SUCLG1: variants seen among roughly 807,000 people sequenced by gnomAD.
The protein encoded by SUCLG1 is succinate--CoA ligase [ADP/GDP-forming] subunit alpha, mitochondrial.
A neutral mutation model predicts 37.3 loss-of-function variants in SUCLG1; 26 were observed. The observed-to-expected ratio is 0.70, with a 90% CI of 0.51 to 0.97. The LOEUF (loss-of-function observed/expected upper bound fraction) is 0.97, where lower values mean the gene tolerates loss of function less well. Ranked by LOEUF, SUCLG1 falls within the 50% of genes least tolerant of loss-of-function variation. SUCLG1 has a pLI of 0.00. For synonymous variants in SUCLG1, 163 were observed against 155.6 expected (o/e 1.05, Z -0.36); for missense variants, 433 against 432.9 (o/e 1.00, Z 0.00).
intron 1 of SUCLG1, among the ~76,000 whole-genome samples, chr2:84,450,759 T>TAAATCACTGCCTC (rs1558614600): frequency 6.6e-6 from 1 of 152,184 alleles, no homozygotes; most frequent in Non-Finnish European, 1.5e-5. Context: ...CTTTCTGCCT[T>TAAATCACTGCCTC]AAATCACTGC....
At chr2:84,448,993 G>A (rs1389288981) in intron 2 of SUCLG1, 2 of 372,540 alleles carry the variant, frequency 5.4e-6, no homozygotes, top group African/African-American at 2.2e-5. Context: ...TTCTTATGTG[G>A]CATTTTATTA....
At chr2:84,434,012 C>G (rs1672647524) in intron 5 of SUCLG1, among the ~76,000 whole-genome samples, 1 of 152,058 alleles carries the variant, frequency 6.6e-6, no homozygotes, top group Non-Finnish European at 1.5e-5. Flanking sequence ...ATCCTGGCCT[C>G]TCTCATTCCC....
At chr2:84,449,159 T>C (rs780302266) in intron 2 of SUCLG1, among the ~76,000 whole-genome samples, 1 of 152,156 alleles carries the variant, frequency 6.6e-6, no homozygotes, top group Non-Finnish European at 1.5e-5. Context: ...CCAGAGAAAG[T>C]ATAAGATGAA....
At position 84,433,446 on chromosome 2, in the gene SUCLG1, G is replaced by C. The variant is rs1483721041; in HGVS notation, c.590-11C>G. 2 of 1,611,586 alleles carry C rather than the reference G, an allele frequency of 1.2e-6. No homozygotes were observed. Among genetic ancestry groups the C allele is most frequent in the Non-Finnish European group, 1.7e-6 (2 of 1,178,078 alleles). ...ATCTGGACACAATGCCTTAACGAAA[G>C]AGAATTCAAAAATATTAGATTGTGT... On this transcript the variant is annotated splice_polypyrimidine_tract_variant and intron_variant, in intron 5 of 8. Coordinates refer to ENST00000393868, the MANE Select transcript of SUCLG1 (RefSeq NM_003849.4).
Position 84,443,388 on chromosome 2 carries a change from T to C in SUCLG1, c.214A>G (p.Ser72Gly). The change falls in exon 3 of 9, where the codon AGC becomes GGC. Residue 72 changes from serine (S) to glycine (G), a missense_variant. Physicochemically the swap from Ser to Gly is moderately conservative, Grantham distance 56 (BLOSUM62 0). Coordinates refer to ENST00000393868, the MANE Select transcript of SUCLG1 (RefSeq NM_003849.4). ...GFTGKQGTFH[S>G]QQALEYGTKL... ...GTGCCATATTCCAATGCCTGCTGGCTGTGAAAGGTGCCCTGAGGGGAAAAA... is the reference window on the plus strand; with the variant it reads ...GTGCCATATTCCAATGCCTGCTGGCCGTGAAAGGTGCCCTGAGGGGAAAAA... 6.2e-7 allele frequency: 1 copy of C among 1,614,078 alleles called. No individual in the cohort carries two copies. Among genetic ancestry groups the C allele is most frequent in the Non-Finnish European group, 8.5e-7 (1 of 1,179,968 alleles).
rs56733272 is a variant in SUCLG1 at position 84,449,762 on chromosome 2, TAAAAAAAAAAAAAAA to T, written c.98-25_98-11del. The T allele has an allele frequency of 1.6e-5, 13 of 792,104 alleles. No individual in the cohort carries two copies. The highest frequency in any genetic ancestry group is 6.0e-5 in the South Asian group (3 of 49,600). 49.1% of individuals were successfully genotyped at this position (792,104 alleles called of 1,614,324 possible). ...ATTCCATTCTGCGGCACTAAGAGGT[TAAAAAAAAAAAAAAA>T]AAAAAAAAAAGACACATTATAATTT... On this transcript the variant is annotated splice_polypyrimidine_tract_variant and intron_variant, in intron 1 of 8. Coordinates refer to ENST00000393868, the MANE Select transcript of SUCLG1 (RefSeq NM_003849.4).
At chr2:84,459,094 C>T in intron 1 of SUCLG1, 79 bp downstream of exon 1, 1 of 1,430,228 alleles carries the variant, frequency 7.0e-7, no homozygotes, top group Non-Finnish European at 9.4e-7. Flanking sequence ...AGGGCCCAGC[C>T]GCGGCCTGGG....
chr2:84,449,802 T>G, intron 1 of SUCLG1, 50 bp from the exon 2 acceptor site: 1 of 1,386,074 alleles, frequency 7.2e-7, no homozygotes, highest in Non-Finnish European at 9.9e-7. Context: ...CATTATAATT[T>G]TTCTAAACTT....
chr2:84,451,115 C>T (rs1369902371), intron 1 of SUCLG1, among the ~76,000 whole-genome samples: 1 of 152,158 alleles, frequency 6.6e-6, no homozygotes, highest in African/African-American at 2.4e-5. Flanking sequence ...CTTGCCAGTG[C>T]TGCATTCGAG....
chr2:84,444,110 C>CA (rs1672813616), intron 2 of SUCLG1, among the ~76,000 whole-genome samples: 1 of 152,154 alleles, frequency 6.6e-6, no homozygotes, highest in Non-Finnish European at 1.5e-5. Context: ...CAGTTAATGA[C>CA]AACCAAAAAC....
At chr2:84,427,145 T>A (rs1672546034) in intron 7 of SUCLG1, among the ~76,000 whole-genome samples, 1 of 152,228 alleles carries the variant, frequency 6.6e-6, no homozygotes. Context: ...TTGCATTCAA[T>A]CTGTTGTAGT....
intron 1 of SUCLG1, among the ~76,000 whole-genome samples, chr2:84,453,168 G>T (rs1210090476): frequency 6.6e-6 from 1 of 152,092 alleles, no homozygotes; most frequent in Non-Finnish European, 1.5e-5. Context: ...CATGAAAAAA[G>T]CAAGCATTCA....
intron 2 of SUCLG1, 21 bp from the exon 3 acceptor site, chr2:84,443,421 A>G: frequency 6.2e-7 from 1 of 1,609,506 alleles, no homozygotes; most frequent in Non-Finnish European, 8.5e-7. Context: ...AAAGCACAAG[A>G]TCCATGAGAA....
intron 2 of SUCLG1, 146 bp downstream of exon 2, chr2:84,449,503 C>A (rs1345316073): frequency 8.6e-6 from 5 of 578,128 alleles, no homozygotes; most frequent in Non-Finnish European, 1.5e-5. Flanking sequence ...TAGCAACTAA[C>A]CTCCTCCTGA....
At chr2:84,449,830 T>G in intron 1 of SUCLG1, 78 bp from the exon 2 acceptor site, 1 of 1,223,824 alleles carries the variant, frequency 8.2e-7, no homozygotes, top group Non-Finnish European at 1.2e-6. Flanking sequence ...ATAATTCAAC[T>G]TGATCACAAA....
intron 7 of SUCLG1, among the ~76,000 whole-genome samples, chr2:84,429,559 A>G (rs1558608243): frequency 6.6e-6 from 1 of 152,108 alleles, no homozygotes; most frequent in African/African-American, 2.4e-5. Flanking sequence ...CACAGTCTAG[A>G]GTGAAAGTCA....
rs146113705 is a variant in SUCLG1 at position 84,449,725 on chromosome 2, G to C, written c.125C>G (p.Ser42Cys). 1 of 1,563,542 alleles carries C rather than the reference G, an allele frequency of 6.4e-7. No homozygotes were observed. The highest frequency in any genetic ancestry group is 1.5e-5 in the African/African-American group (1 of 67,808). Residue 42 changes from serine (S) to cysteine (C), a missense_variant, in exon 2 of 9, where the codon TCC (serine) becomes TGC (cysteine). Physicochemically the swap from Ser to Cys is moderately radical, Grantham distance 112. Coordinates refer to ENST00000393868, the MANE Select transcript of SUCLG1 (RefSeq NM_003849.4). ...GAGATGTTGCCGAGAAGCTGTGTAG[G>C]AACAATGCCGAATTCCATTCTGCGG... ...LLPQNGIRHC[S>C]YTASRQHLYV...
chr2:84,440,983 G>T, intron 5 of SUCLG1, 64 bp downstream of exon 5: 2 of 1,529,582 alleles, frequency 1.3e-6, no homozygotes, highest in South Asian at 2.3e-5. Flanking sequence ...AAAATTCTTT[G>T]TGAGTTTTGA....
At position 84,431,632 on chromosome 2, in the gene SUCLG1, G is replaced by A; in HGVS notation, c.701C>T (p.Thr234Ile). The A allele has an allele frequency of 6.2e-7, 1 of 1,613,916 alleles. No individual in the cohort carries two copies. The highest frequency in any genetic ancestry group is 1.1e-5 in the South Asian group (1 of 91,076). Residue 234 changes from threonine to isoleucine, a missense_variant, in exon 7 of 9, where the codon ACA becomes ATA. Coordinates refer to ENST00000393868, the MANE Select transcript of SUCLG1 (RefSeq NM_003849.4). ...GATTTCGAGGCAGTCAATAAAATCT[G>A]TTCCATTAAAAGGATCACCTCCAAT... Reference protein sequence around the residue: ...VGIGGDPFNGTDFIDCLEIFL... With the variant: ...VGIGGDPFNGIDFIDCLEIFL...
Sources: gnomAD v4.1 joint callset for allele counts (sites outside exome capture counted in the v4.1 genomes callset) on GRCh38, gnomAD v4.1.1 for gene constraint, MANE v1.5 for transcripts, NCBI Gene and HGNC (gene_info 2026-07-23, HGNC 2026-07-21) for gene names.